MYOM1: variants seen among roughly 807,000 people sequenced by gnomAD.
The protein encoded by MYOM1 is myomesin 1.
In MYOM1, 164 loss-of-function variants were observed where a neutral mutation model predicts 205.3. That is an observed-to-expected ratio of 0.80 (90% CI 0.70 to 0.91). The LOEUF (loss-of-function observed/expected upper bound fraction) is 0.91. Among genes scored for constraint, MYOM1 ranks in the 40% least tolerant of loss-of-function variants. The pLI is 0.00. For missense variants in MYOM1, 2,011 were observed against 2,127.3 expected (o/e 0.95, Z 1.08); for synonymous variants, 772 against 789.4 (o/e 0.98, Z 0.37).
chr18:3,067,358 C>T lies in MYOM1; in HGVS notation c.4962G>A (p.Ser1654=), dbSNP rs774192177. ...YGLVVKNKYG[S]ETSDFTVSVF... is the part of the protein sequence containing the mutation. ...CGCTGACGGTGAAGTCGCTGGTCTC[C>T]GAGCCATACTTGTTCTTCACAACCA... Residue 1654 remains serine, a synonymous_variant, in exon 38 of 38, where the codon TCG becomes TCA. Coordinates refer to ENST00000356443, the MANE Select transcript of MYOM1 (RefSeq NM_003803.4). 74 of 1,611,998 alleles carry T rather than the reference C, an allele frequency of 4.6e-5. No homozygotes were observed. The highest frequency in any genetic ancestry group is 4.2e-4 in the Middle Eastern group (2 of 4,812).
At chr18:3,199,718 T>C (rs2144201841) in intron 2 of MYOM1, among the ~76,000 whole-genome samples, 1 of 152,214 alleles carries the variant, frequency 6.6e-6, no homozygotes, top group South Asian at 2.1e-4. Context: ...CACATGCCTA[T>C]AGTCCCAGCT....
At chr18:3,112,957 A>G in intron 21 of MYOM1, among the ~76,000 whole-genome samples, 1 of 152,324 alleles carries the variant, frequency 6.6e-6, no homozygotes, top group South Asian at 2.1e-4. Flanking sequence ...TAAATTTAAT[A>G]TAGCTATTTC....
In MYOM1 at chr18:3,089,058, T is replaced by G. The variant is rs570844919; in HGVS notation, c.4137+116A>C. ...TTACAGTAACATTGAACAGTAAATA[T>G]GTGTCCCACTTATCATTTTGGCTCA... On this transcript the variant is annotated intron_variant, in intron 29 of 37. Transcript: ENST00000356443. The G allele has an allele frequency of 3.7e-4, 227 of 610,360 alleles. No homozygotes were observed. The African/African-American group carries it at 3.9e-3, about 11-fold the overall frequency. 37.8% of individuals were successfully genotyped at this position (610,360 alleles called of 1,614,324 possible). A position where few individuals can be genotyped will look rare whatever the true frequency, so the allele number is the denominator to read the frequency against.
In MYOM1 at chr18:3,169,052, C is replaced by T. The variant is rs2080514503; in HGVS notation, c.1175-71G>A. 5 of 1,329,796 alleles carry T rather than the reference C, an allele frequency of 3.8e-6. No individual in the cohort carries two copies. The Admixed American group carries it at 1.0e-4, about 27-fold the overall frequency. The allele number at this position is 1,329,796 out of a possible 1,614,324, so 82.4% of individuals were successfully genotyped here. A position where few individuals can be genotyped will look rare whatever the true frequency, so the allele number is the denominator to read the frequency against. On this transcript the variant is annotated intron_variant, in intron 8 of 37. Coordinates refer to ENST00000356443, the MANE Select transcript of MYOM1 (RefSeq NM_003803.4). ...AGAGACACAAGCATTTTAATAAGCA[C>T]AGGCAGAAAGCAGTCACAGCAAAAA...
intron 14 of MYOM1, among the ~76,000 whole-genome samples, chr18:3,139,534 A>G (rs12965360): frequency 0.25 from 38,400 of 152,136 alleles, 5,149 homozygotes; most frequent in East Asian, 0.42. Flanking sequence ...GAACAGACGC[A>G]GCAGGGACAG....
chr18:3,214,884 C>T (rs372810299), intron 2 of MYOM1, 50 bp downstream of exon 2: 9 of 1,523,160 alleles, frequency 5.9e-6, no homozygotes, highest in Middle Eastern at 2.4e-4. Flanking sequence ...TTACTCAGAG[C>T]ACACGCCTCT....
rs2079932258 is a variant in MYOM1, at chr18:3,134,780, CTG to C, written c.2252_2253del (p.Thr751ArgfsTer36). ...APGKIIPSRN[T>X]DTSVVVSWEE... ...TCCCACGAAACTACCACTGAGGTGT[CTG>C]TGTTTCTGCTTGGGATGATTTTGCC... is the stretch of plus-strand genomic sequence containing the variant. On this transcript the variant is annotated frameshift_variant, in exon 16 of 38. Coordinates refer to ENST00000356443, the MANE Select transcript of MYOM1 (RefSeq NM_003803.4). LOFTEE classifies it high-confidence loss of function. 6.2e-7 allele frequency: 1 copy of C among 1,613,960 alleles called. No homozygotes were observed. Among genetic ancestry groups the C allele is most frequent in the Non-Finnish European group, 8.5e-7 (1 of 1,179,890 alleles).
intron 36 of MYOM1, among the ~76,000 whole-genome samples, chr18:3,073,652 G>T (rs1285936263): frequency 5.3e-5 from 8 of 152,210 alleles, no homozygotes; most frequent in African/African-American, 1.9e-4. Flanking sequence ...GGGATACTAT[G>T]ATTATTTCTG....
At chr18:3,130,562 G>A (rs968541980) in intron 17 of MYOM1, among the ~76,000 whole-genome samples, 1 of 151,970 alleles carries the variant, frequency 6.6e-6, no homozygotes, top group Non-Finnish European at 1.5e-5. Context: ...AGTGATCCAC[G>A]TGCCTCAGCC....
At chr18:3,147,742 G>C (rs141188361) in intron 13 of MYOM1, among the ~76,000 whole-genome samples, 155 of 152,068 alleles carry the variant, frequency 1.0e-3, no homozygotes, top group Middle Eastern at 3.4e-3. Context: ...AAATTCGTTG[G>C]GTAAAGAACA....
intron 2 of MYOM1, among the ~76,000 whole-genome samples, chr18:3,197,827 C>G (rs571276744): frequency 6.6e-5 from 10 of 152,078 alleles, no homozygotes; most frequent in South Asian, 2.1e-4. Flanking sequence ...GAGCCGAGAT[C>G]GCACCACTGC....
the MYOM1 span, among the ~76,000 whole-genome samples, chr18:3,241,943 T>C: frequency 2.6e-5 from 4 of 152,192 alleles, no homozygotes; most frequent in African/African-American, 7.2e-5. Flanking sequence ...TTGGAGCCTG[T>C]AGTCCCTTTG....
chr18:3,245,855 C>G, the MYOM1 span: 3 of 152,330 alleles, frequency 2.0e-5, no homozygotes, highest in African/African-American at 7.2e-5. Context: ...CTTCAATAGG[C>G]CCTAACTAAC....
At chr18:3,198,525 C>T (rs556618635) in intron 2 of MYOM1, among the ~76,000 whole-genome samples, 70 of 152,280 alleles carry the variant, frequency 4.6e-4, no homozygotes, top group African/African-American at 1.7e-3. Context: ...GTGGCTTACA[C>T]CTGTAATCTC....
At chr18:3,114,621 T>C (rs7506257) in intron 21 of MYOM1, among the ~76,000 whole-genome samples, 130,568 of 149,520 alleles carry the variant, frequency 0.87, 57,496 homozygotes, top group East Asian at 0.97. Context: ...TGGGCTCAAG[T>C]GATTTGCCTG....
chr18:3,142,108 C>T (rs1201536475), intron 13 of MYOM1, 45 bp from the exon 14 acceptor site: 1 of 1,598,536 alleles, frequency 6.3e-7, no homozygotes, highest in South Asian at 1.1e-5. Flanking sequence ...TTCTGGGTAG[C>T]CCAGGATACT....
chr18:3,207,508 T>A (rs543654012), intron 2 of MYOM1, among the ~76,000 whole-genome samples: 84 of 152,362 alleles, frequency 5.5e-4, no homozygotes, highest in African/African-American at 1.9e-3. Context: ...CAATATCCAC[T>A]CTACTTTGGG....
Position 3,176,546 on chromosome 18 carries a change from A to G in MYOM1, c.930-412T>C, listed in dbSNP as rs144777600. 3.9e-5 allele frequency among the ~76,000 whole-genome samples: 6 copies of G among 152,316 alleles called. No homozygotes were observed. In the East Asian group the frequency reaches 1.2e-3, roughly 29 times the overall value. On this transcript the variant is annotated intron_variant, in intron 5 of 37. Transcript: ENST00000356443. Reference sequence around the variant, plus strand: ...CAAGAAGGAGGCTTCTTGGGTGTCAATAATGTTTATTGATTTGGGTGTCAG... The same window carrying G: ...CAAGAAGGAGGCTTCTTGGGTGTCAGTAATGTTTATTGATTTGGGTGTCAG...
At position 3,135,795 on chromosome 18, in the gene MYOM1, A is replaced by G. The variant is rs2079950566; in HGVS notation, c.2026-65T>C. ...ACACAAGCGAGAATCCAGGCCAGGCAACTCCAAGTTTCATTCATCTGCAAC... is the reference window on the plus strand; with the variant it reads ...ACACAAGCGAGAATCCAGGCCAGGCGACTCCAAGTTTCATTCATCTGCAAC... On this transcript the variant is annotated intron_variant, in intron 14 of 37. Transcript: ENST00000356443. This position sits in a 1 kb window ranked among gnomAD's most constrained non-coding sequence, Gnocchi z 4.1. 1.3e-6 allele frequency: 2 copies of G among 1,571,212 alleles called. No homozygotes were observed.
Sources: allele counts gnomAD v4.1 joint callset (sites outside exome capture counted in the v4.1 genomes callset), GRCh38; gene constraint gnomAD v4.1.1; non-coding constraint Gnocchi (gnomAD v3.1); transcripts MANE v1.5; gene names NCBI Gene and HGNC (gene_info 2026-07-23, HGNC 2026-07-21).